MGAT5: variants seen among roughly 807,000 people sequenced by gnomAD.
MGAT5 encodes alpha-1,6-mannosylglycoprotein 6-beta-N-acetylglucosaminyltransferase.
Under a neutral mutation model 94.3 loss-of-function variants are expected in MGAT5, and 30 were observed. The observed-to-expected ratio is 0.32, with a 90% CI of 0.24 to 0.43. The LOEUF (loss-of-function observed/expected upper bound fraction) is 0.43, where lower values mean the gene tolerates loss of function less well. Among genes scored for constraint, MGAT5 ranks in the 20% least tolerant of loss-of-function variants. MGAT5 has a pLI of 1.00. For synonymous variants in MGAT5, 310 were observed against 322.9 expected, an observed-to-expected ratio of 0.96 and a Z score of 0.43; for missense variants, 691 against 905.5, an observed-to-expected ratio of 0.76 and a Z score of 3.04.
chr2:134,169,385 A>ACT (rs1198746962), intron 1 of MGAT5, among the ~76,000 whole-genome samples: 1 of 112,160 alleles, frequency 8.9e-6, no homozygotes, highest in African/African-American at 3.9e-5. Context: ...ATAATTTAAA[A>ACT]ATACACACAC....
intron 10 of MGAT5, among the ~76,000 whole-genome samples, chr2:134,386,771 A>G (rs1428219735): frequency 2.0e-5 from 3 of 152,240 alleles, no homozygotes; most frequent in African/African-American, 7.2e-5. Flanking sequence ...TGCCCCAAGA[A>G]AAAGTGAGAT....
intron 1 of MGAT5, among the ~76,000 whole-genome samples, chr2:134,209,300 T>C (rs1250846133): frequency 2.0e-5 from 1 of 49,608 alleles, no homozygotes; most frequent in Non-Finnish European, 3.1e-5. Flanking sequence ...TAACGTGTCA[T>C]CTAGCATTAG....
At chr2:134,188,486 A>G (rs1434821724) in intron 1 of MGAT5, among the ~76,000 whole-genome samples, 1 of 152,244 alleles carries the variant, frequency 6.6e-6, no homozygotes, top group Non-Finnish European at 1.5e-5. Context: ...TTGAGTTAAT[A>G]CATGTGGAAG....
chr2:134,135,197 G>A (rs1158248590), intron 1 of MGAT5, among the ~76,000 whole-genome samples: 1 of 152,138 alleles, frequency 6.6e-6, no homozygotes, highest in Non-Finnish European at 1.5e-5. Flanking sequence ...AAATGTATAT[G>A]TTTGAAATTG....
intron 9 of MGAT5, among the ~76,000 whole-genome samples, chr2:134,353,894 A>AC (rs1013252933): frequency 3.8e-4 from 57 of 151,186 alleles, no homozygotes; most frequent in South Asian, 8.4e-4. Flanking sequence ...TGCAACAACA[A>AC]AAAAAAAAAA....
At chr2:134,180,687 C>T (rs190274984) in intron 1 of MGAT5, among the ~76,000 whole-genome samples, 5 of 152,228 alleles carry the variant, frequency 3.3e-5, no homozygotes, top group Non-Finnish European at 5.9e-5. Flanking sequence ...TCTCATCTGC[C>T]GCTTCTGTTC....
rs891393987 is a variant in MGAT5, at chr2:134,437,790, G to A, written c.1870-3968G>A. 3.9e-5 allele frequency among the ~76,000 whole-genome samples: 6 copies of A among 152,136 alleles called. No individual in the cohort carries two copies. In the East Asian group the frequency reaches 9.6e-4, roughly 24 times the overall value. On this transcript the variant is annotated intron_variant, in intron 14 of 15. Transcript: ENST00000281923. ...CACACTTTGGGAGGCTGAGGCAAGC[G>A]AATCCCCTGAGGCTAGGAGTTCGAG... is the stretch of plus-strand genomic sequence containing the variant.
At chr2:134,159,191 G>GTGTGTA (rs1186948451) in intron 1 of MGAT5, among the ~76,000 whole-genome samples, 1 of 132,124 alleles carries the variant, frequency 7.6e-6, no homozygotes, top group African/African-American at 2.9e-5. Context: ...CTAAATTCGT[G>GTGTGTA]TGTGTGTGTG....
At chr2:134,184,739 T>C (rs1348555730) in intron 1 of MGAT5, among the ~76,000 whole-genome samples, 1 of 151,980 alleles carries the variant, frequency 6.6e-6, no homozygotes, top group African/African-American at 2.4e-5. Context: ...GTCTGTACCC[T>C]ACTACATTTT....
intron 1 of MGAT5, among the ~76,000 whole-genome samples, chr2:134,245,270 C>T (rs964465556): frequency 3.6e-4 from 55 of 152,346 alleles, no homozygotes; most frequent in South Asian, 2.1e-4. Context: ...CTCGGCCTCC[C>T]AAAGTGCGGA....
chr2:134,144,500 C>G (rs1375688691), intron 1 of MGAT5, among the ~76,000 whole-genome samples: 1 of 152,200 alleles, frequency 6.6e-6, no homozygotes, highest in Admixed American at 6.5e-5. Flanking sequence ...CAGGCCCCAC[C>G]TCCAACACTG....
intron 10 of MGAT5, among the ~76,000 whole-genome samples, chr2:134,377,475 G>A (rs1231137061): frequency 6.6e-6 from 1 of 152,224 alleles, no homozygotes; most frequent in Non-Finnish European, 1.5e-5. Context: ...AGGAAAGTTG[G>A]GTTGGGCCAA....
chr2:134,387,160 C>T (rs1387667735), intron 10 of MGAT5, among the ~76,000 whole-genome samples: 2 of 151,368 alleles, frequency 1.3e-5, no homozygotes, highest in Admixed American at 6.6e-5. Context: ...ACTCGGGAGG[C>T]TGAGGCAGGA....
intron 14 of MGAT5, among the ~76,000 whole-genome samples, chr2:134,429,375 T>C (rs1408425244): frequency 6.6e-6 from 1 of 152,146 alleles, no homozygotes; most frequent in East Asian, 1.9e-4. Flanking sequence ...CGGGGTGGTG[T>C]GTCTGATATG....
chr2:134,289,307 C>T (rs942671953), intron 2 of MGAT5, among the ~76,000 whole-genome samples: 10 of 152,142 alleles, frequency 6.6e-5, no homozygotes, highest in South Asian at 2.1e-4. Context: ...TCTTGGGGAA[C>T]GCTTTTCTCT....
intron 1 of MGAT5, among the ~76,000 whole-genome samples, chr2:134,183,947 A>G (rs1688874840): frequency 6.6e-6 from 1 of 152,192 alleles, no homozygotes; most frequent in Non-Finnish European, 1.5e-5. Flanking sequence ...CAAAATTGCT[A>G]AGTCAGGGAT....
chr2:134,252,570 G>T (rs941297956), upstream of MGAT5, among the ~76,000 whole-genome samples: 4 of 152,168 alleles, frequency 2.6e-5, no homozygotes, highest in Non-Finnish European at 5.9e-5. Context: ...GATTCAGTGG[G>T]TGTGGGTGGG....
chr2:134,229,283 A>T (rs1242426823), intron 1 of MGAT5, among the ~76,000 whole-genome samples: 1 of 152,226 alleles, frequency 6.6e-6, no homozygotes, highest in African/African-American at 2.4e-5. Flanking sequence ...GGAAAGTGAT[A>T]GTAATGGAAA....
intron 1 of MGAT5, among the ~76,000 whole-genome samples, chr2:134,125,107 A>G (rs930621822): frequency 1.3e-5 from 2 of 152,154 alleles, no homozygotes; most frequent in East Asian, 3.8e-4. Flanking sequence ...TGGTGGAGAA[A>G]CATCAAGAAA....
Sources: gnomAD v4.1 joint callset for allele counts (sites outside exome capture counted in the v4.1 genomes callset) on GRCh38, gnomAD v4.1.1 for gene constraint, MANE v1.5 for transcripts, NCBI Gene and HGNC (gene_info 2026-07-23, HGNC 2026-07-21) for gene names.